PEPD: variants seen among roughly 807,000 people sequenced by gnomAD.
PEPD encodes xaa-Pro dipeptidase.
A neutral mutation model predicts 60.7 loss-of-function variants in PEPD; 53 were observed. That is an observed-to-expected ratio of 0.87 (90% CI 0.70 to 1.10). PEPD has a LOEUF of 1.10. Ranked by LOEUF, PEPD falls within the 50% of genes least tolerant of loss-of-function variation. The pLI is 0.00. For missense variants in PEPD, 711 were observed against 711.9 expected, an observed-to-expected ratio of 1.00 and a Z score of 0.01; for synonymous variants, 267 against 284.1, an observed-to-expected ratio of 0.94 and a Z score of 0.60.
At chr19:33,425,599 C>T (rs74820380) in intron 9 of PEPD, among the ~76,000 whole-genome samples, 15,014 of 152,188 alleles carry the variant, frequency 0.099, 761 homozygotes, top group Middle Eastern at 0.14. Flanking sequence ...AGGTATTTAT[C>T]TTGAAGCGCT....
chr19:33,476,200 T>C (rs1476142802), intron 7 of PEPD, among the ~76,000 whole-genome samples: 2 of 152,108 alleles, frequency 1.3e-5, no homozygotes, highest in East Asian at 3.9e-4. Context: ...GGCTGTGAAC[T>C]TGAAGAACAC....
At chr19:33,460,005 G>A (rs1167818001) in intron 9 of PEPD, among the ~76,000 whole-genome samples, 1 of 152,154 alleles carries the variant, frequency 6.6e-6, no homozygotes, top group Non-Finnish European at 1.5e-5. Context: ...CAGTGAGTCA[G>A]CGATTCACAC....
chr19:33,402,344 G>A (rs1333070625), intron 11 of PEPD, among the ~76,000 whole-genome samples: 1 of 152,226 alleles, frequency 6.6e-6, no homozygotes, highest in Non-Finnish European at 1.5e-5. Flanking sequence ...GTGCTTGTGG[G>A]AAGCAGAGGA....
intron 4 of PEPD, among the ~76,000 whole-genome samples, chr19:33,498,793 G>A (rs957091289): frequency 5.3e-5 from 8 of 151,440 alleles, no homozygotes; most frequent in African/African-American, 1.5e-4. Context: ...CCTGGAGGCA[G>A]GTGCCCATGC....
At chr19:33,459,087 G>A (rs1969879373) in intron 9 of PEPD, among the ~76,000 whole-genome samples, 1 of 152,080 alleles carries the variant, frequency 6.6e-6, no homozygotes. Flanking sequence ...GACAGGAGCT[G>A]CGATTGAGGG....
At position 33,416,743 on chromosome 19, in the gene PEPD, A is replaced by T. The variant is rs142436424; in HGVS notation, c.672-3100T>A. On this transcript the variant is annotated intron_variant, in intron 9 of 14. Transcript: ENST00000244137. ...ATTCCTCTAACACCCTCACCTATAA[A>T]TTTCTCCCAGGCAAGACTCGGGTAG... 7.4e-4 allele frequency among the ~76,000 whole-genome samples: 113 copies of T among 152,260 alleles called. 1 individual carries two copies. The East Asian group carries it at 0.021, about 28-fold the overall frequency.
chr19:33,414,507 CCT>C (rs1327986252), intron 9 of PEPD, among the ~76,000 whole-genome samples: 2 of 152,178 alleles, frequency 1.3e-5, no homozygotes, highest in African/African-American at 2.4e-5. Flanking sequence ...TCACCCCCTC[CCT>C]GAGGCCTCGG....
intron 9 of PEPD, among the ~76,000 whole-genome samples, chr19:33,414,766 T>C (rs1168918078): frequency 6.6e-6 from 1 of 152,236 alleles, no homozygotes; most frequent in Non-Finnish European, 1.5e-5. Flanking sequence ...AAGCAGTTGT[T>C]ATGCAGGAAC....
chr19:33,516,570 G>A (rs1300303531), intron 1 of PEPD, among the ~76,000 whole-genome samples: 8 of 151,946 alleles, frequency 5.3e-5, no homozygotes, highest in Non-Finnish European at 1.5e-5. Context: ...GCCCCCACAA[G>A]CCGTCTCTGT....
chr19:33,480,840 G>GTATA (rs60635743), intron 6 of PEPD, among the ~76,000 whole-genome samples: 5,246 of 150,950 alleles, frequency 0.035, 148 homozygotes, highest in East Asian at 0.072. Context: ...GTGTGTGTGT[G>GTATA]TATATCAAAA....
intron 7 of PEPD, among the ~76,000 whole-genome samples, chr19:33,476,292 T>C (rs1415627817): frequency 6.6e-6 from 1 of 152,094 alleles, no homozygotes; most frequent in African/African-American, 2.4e-5. Flanking sequence ...TTAGCGCCTG[T>C]CATCGGCCCT....
intron 8 of PEPD, among the ~76,000 whole-genome samples, 171 bp from the exon 9 acceptor site, chr19:33,463,212 T>C (rs1969961890): frequency 6.6e-6 from 1 of 152,144 alleles, no homozygotes; most frequent in African/African-American, 2.4e-5. Context: ...TTTTAAAAGC[T>C]CCAAAATCCA....
Position 33,393,826 on chromosome 19 carries a change from GAGGCCAGACCACCCCA to G in PEPD, c.968-2363_968-2348del, listed in dbSNP as rs561184603. Among the ~76,000 whole-genome samples, 123 of 152,374 alleles carry G rather than the reference GAGGCCAGACCACCCCA, an allele frequency of 8.1e-4. 1 individual carries two copies. The South Asian group carries it at 0.012, about 15-fold the overall frequency. On this transcript the variant is annotated intron_variant, in intron 12 of 14. Coordinates refer to ENST00000244137, the MANE Select transcript of PEPD (RefSeq NM_000285.4). ...TTCCTCTCTGCTGCTGCATCCTCCA[GAGGCCAGACCACCCCA>G]AGGCACACAGGCCGTTTTACCTCAG...
At chr19:33,464,129 G>T (rs1212438975) in intron 7 of PEPD, 67 bp from the exon 8 acceptor site, 1 of 1,191,566 alleles carries the variant, frequency 8.4e-7, no homozygotes, top group Non-Finnish European at 1.2e-6. Flanking sequence ...GACCCCTCCA[G>T]GGAGAGCTCA....
rs370887337 is a variant in PEPD, at chr19:33,478,096, G to A, written c.504-6C>T. 147 of 1,604,776 alleles carry A rather than the reference G, an allele frequency of 9.2e-5. No homozygotes were observed. The highest frequency in any genetic ancestry group is 1.2e-4 in the Non-Finnish European group (144 of 1,173,224). ...TGGTATTGTTGACTTCGAACCTGTA[G>A]GGCGAAAAGAAATCAAGCCCATTAA... On this transcript the variant is annotated splice_region_variant and splice_polypyrimidine_tract_variant and intron_variant, in intron 6 of 14. Transcript: ENST00000244137.
At chr19:33,514,779 C>G (rs1249530491) in intron 1 of PEPD, among the ~76,000 whole-genome samples, 1 of 151,876 alleles carries the variant, frequency 6.6e-6, no homozygotes, top group Non-Finnish European at 1.5e-5. Flanking sequence ...TGACAGCGCC[C>G]TGCCCCACAG....
At chr19:33,456,744 G>A (rs1183848475) in intron 9 of PEPD, among the ~76,000 whole-genome samples, 3 of 152,140 alleles carry the variant, frequency 2.0e-5, no homozygotes, top group Non-Finnish European at 4.4e-5. Context: ...GAGGCCGCCT[G>A]GACCCAGACT....
At chr19:33,506,301 ACT>A (rs1049922074) in intron 3 of PEPD, among the ~76,000 whole-genome samples, 2 of 118,602 alleles carry the variant, frequency 1.7e-5, no homozygotes, top group African/African-American at 6.7e-5. Context: ...TCACACACCC[ACT>A]CTCATCACAC....
intron 1 of PEPD, among the ~76,000 whole-genome samples, chr19:33,516,258 A>C (rs531001494): frequency 2.0e-5 from 3 of 152,182 alleles, no homozygotes; most frequent in Non-Finnish European, 4.4e-5. Context: ...AATTCGGCAA[A>C]TGTAGCACCA....
Sources: gnomAD v4.1 joint callset for allele counts (sites outside exome capture counted in the v4.1 genomes callset) on GRCh38, gnomAD v4.1.1 for gene constraint, MANE v1.5 for transcripts, NCBI Gene and HGNC (gene_info 2026-07-23, HGNC 2026-07-21) for gene names.